CERT1: variants seen among roughly 807,000 people sequenced by gnomAD.
CERT1 encodes the protein ceramide transporter 1.
CERT1 carries 31 observed loss-of-function variants against 87.9 expected under a neutral mutation model. The ratio of observed to expected loss-of-function variants is 0.35; its 90% CI spans 0.27 to 0.48. CERT1 has a LOEUF of 0.48. Among genes scored for constraint, CERT1 ranks in the 20% least tolerant of loss-of-function variants. The pLI is 0.99. For synonymous variants in CERT1, 289 were observed against 250.9 expected (o/e 1.15, Z -1.44); for missense variants, 487 against 758.0 (o/e 0.64, Z 4.20).
chr5:75,384,600 A>G, intron 14 of CERT1, 42 bp downstream of exon 14: 1 of 1,381,600 alleles, frequency 7.2e-7, no homozygotes, highest in Non-Finnish European at 1.0e-6. Flanking sequence ...CTGAGTTTGA[A>G]CTACATTGAA....
intron 8 of CERT1, among the ~76,000 whole-genome samples, chr5:75,404,970 C>A (rs1167657630): frequency 6.6e-6 from 1 of 151,974 alleles, no homozygotes; most frequent in African/African-American, 2.4e-5. Flanking sequence ...GAGCCAAGAT[C>A]GCACCACTGC....
At chr5:75,424,295 G>A (rs896445155) in intron 5 of CERT1, among the ~76,000 whole-genome samples, 5 of 152,134 alleles carry the variant, frequency 3.3e-5, no homozygotes, top group Non-Finnish European at 4.4e-5. Flanking sequence ...CTGAGAGAGA[G>A]AGGGGGCCGA....
chr5:75,499,100 C>T (rs1050287518), intron 2 of CERT1, among the ~76,000 whole-genome samples: 2 of 152,200 alleles, frequency 1.3e-5, no homozygotes, highest in South Asian at 4.1e-4. Context: ...GGTGTATTTA[C>T]CCACTGCCCA....
chr5:75,488,740 C>G (rs964518059), intron 2 of CERT1, among the ~76,000 whole-genome samples: 2 of 151,964 alleles, frequency 1.3e-5, no homozygotes, highest in South Asian at 4.1e-4. Flanking sequence ...TGATTTGTTC[C>G]TTTTCCTTGA....
chr5:75,469,552 A>ATT (rs57516785), intron 2 of CERT1, among the ~76,000 whole-genome samples: 21 of 151,324 alleles, frequency 1.4e-4, no homozygotes, highest in East Asian at 7.7e-4. Context: ...TAAAATAACT[A>ATT]TTTTTTTTTG....
chr5:75,396,745 AC>A (rs370945891), intron 11 of CERT1, among the ~76,000 whole-genome samples: 472 of 150,108 alleles, frequency 3.1e-3, no homozygotes, highest in Non-Finnish European at 5.5e-3. Flanking sequence ...AAAAAAAAAA[AC>A]AAAAAACAGA....
intron 2 of CERT1, among the ~76,000 whole-genome samples, chr5:75,486,578 C>T (rs1459017710): frequency 1.3e-5 from 2 of 151,908 alleles, no homozygotes; most frequent in Non-Finnish European, 2.9e-5. Flanking sequence ...ATGATAATGA[C>T]CTTATATTTG....
At chr5:75,390,209 T>A (rs1339662087) in intron 11 of CERT1, among the ~76,000 whole-genome samples, 1 of 152,176 alleles carries the variant, frequency 6.6e-6, no homozygotes, top group East Asian at 1.9e-4. Flanking sequence ...AGCAAAGATA[T>A]ATATGTATAT....
At chr5:75,453,820 GTA>G (rs951337056) in intron 3 of CERT1, among the ~76,000 whole-genome samples, 17 of 15,592 alleles carry the variant, frequency 1.1e-3, no homozygotes, top group African/African-American at 4.4e-3. Context: ...ACGCGTGTAT[GTA>G]TGTGAGAGAG....
At chr5:75,405,874 G>C (rs907528051) in intron 8 of CERT1, among the ~76,000 whole-genome samples, 1 of 1,342 alleles carries the variant, frequency 7.5e-4, no homozygotes, top group Non-Finnish European at 1.1e-3. Flanking sequence ...GCAGTTACTG[G>C]GGGGGGGGGG....
chr5:75,412,088 G>C (rs900324494), intron 7 of CERT1, among the ~76,000 whole-genome samples: 5 of 152,152 alleles, frequency 3.3e-5, no homozygotes, highest in Non-Finnish European at 7.4e-5. Context: ...GGTTCACTGG[G>C]TCAAAACTGA....
chr5:75,450,258 G>C (rs188263363), intron 3 of CERT1, among the ~76,000 whole-genome samples: 32 of 152,276 alleles, frequency 2.1e-4, no homozygotes, highest in African/African-American at 7.7e-4. Context: ...GACTGGAAGG[G>C]AGGTGGGTCA....
In CERT1 at chr5:75,406,199, T is replaced by C. The variant is rs561442334; in HGVS notation, c.931-3141A>G. 3.3e-5 allele frequency among the ~76,000 whole-genome samples: 5 copies of C among 152,344 alleles called. No individual in the cohort carries two copies. The South Asian group carries it at 1.0e-3, about 32-fold the overall frequency. ...CTCTTAACCATTCTTTCCTCTCAAT[T>C]TGTGGAGGCTCTACCTTCCAAAGAG... On this transcript the variant is annotated intron_variant, in intron 8 of 16. Coordinates refer to ENST00000643780, the MANE Select transcript of CERT1 (RefSeq NM_001379029.1).
At chr5:75,394,381 G>A (rs748653602) in intron 11 of CERT1, among the ~76,000 whole-genome samples, 1 of 152,064 alleles carries the variant, frequency 6.6e-6, no homozygotes, top group Non-Finnish European at 1.5e-5. Flanking sequence ...TTAGCTGAGA[G>A]TGGTGGCCCA....
intron 7 of CERT1, among the ~76,000 whole-genome samples, 171 bp from the exon 8 acceptor site, chr5:75,411,274 T>G (rs1046315201): frequency 6.6e-6 from 1 of 152,194 alleles, no homozygotes; most frequent in African/African-American, 2.4e-5. Context: ...CACTTTTCTC[T>G]AGGCTATAAA....
At chr5:75,386,138 G>A in intron 12 of CERT1, 104 bp from the exon 13 acceptor site, 3 of 876,076 alleles carry the variant, frequency 3.4e-6, no homozygotes, top group Non-Finnish European at 4.7e-6. Flanking sequence ...TTTTATGAAA[G>A]TCTATTTATA....
downstream of CERT1, chr5:75,376,714 T>C (rs567201778): frequency 6.6e-6 from 1 of 152,204 alleles, no homozygotes; most frequent in Non-Finnish European, 1.5e-5. Flanking sequence ...ACACCAATCA[T>C]TCAGGTAACT....
chr5:75,413,956 T>C (rs1763033505), intron 7 of CERT1, among the ~76,000 whole-genome samples: 1 of 152,168 alleles, frequency 6.6e-6, no homozygotes, highest in Middle Eastern at 3.4e-3. Context: ...GTTTCATTCA[T>C]GATAGCCAAA....
chr5:75,471,183 T>A (rs951179399), intron 2 of CERT1, among the ~76,000 whole-genome samples: 12 of 152,166 alleles, frequency 7.9e-5, no homozygotes, highest in African/African-American at 2.9e-4. Context: ...CTGAGAAATA[T>A]GCTTTTTGGT....
Sources: allele counts gnomAD v4.1 joint callset (sites outside exome capture counted in the v4.1 genomes callset), GRCh38; gene constraint gnomAD v4.1.1; transcripts MANE v1.5; gene names NCBI Gene and HGNC (gene_info 2026-07-23, HGNC 2026-07-21).